ADGRL3: variants seen among roughly 807,000 people sequenced by gnomAD.
The protein encoded by ADGRL3 is adhesion G protein-coupled receptor L3.
A neutral mutation model predicts 153.5 loss-of-function variants in ADGRL3; 62 were observed. The observed-to-expected ratio is 0.40, with a 90% CI of 0.33 to 0.50. The LOEUF (loss-of-function observed/expected upper bound fraction) is 0.50, where lower values mean the gene tolerates loss of function less well. Among genes scored for constraint, ADGRL3 ranks in the 20% least tolerant of loss-of-function variants. The probability of loss-of-function intolerance (pLI) is 0.47; values close to 1 mark genes in which losing one functional copy is unlikely to be tolerated. For missense variants in ADGRL3, 1,641 were observed against 1,859.4 expected (o/e 0.88, Z 2.16); for synonymous variants, 710 against 672.5 (o/e 1.06, Z -0.86).
intron 24 of ADGRL3, among the ~76,000 whole-genome samples, chr4:62,042,618 A>C (rs1728985657): frequency 6.6e-6 from 1 of 151,956 alleles, no homozygotes; most frequent in African/African-American, 2.4e-5. Flanking sequence ...CAGCTCATAT[A>C]AATATCACCT....
At chr4:61,400,546 G>A (rs1236039116) in intron 2 of ADGRL3, among the ~76,000 whole-genome samples, 1 of 151,854 alleles carries the variant, frequency 6.6e-6, no homozygotes, top group East Asian at 1.9e-4. Flanking sequence ...CTGGCAATGT[G>A]AGGCTATAGT....
At chr4:61,610,017 A>G (rs1044710851) in intron 5 of ADGRL3, among the ~76,000 whole-genome samples, 2 of 151,984 alleles carry the variant, frequency 1.3e-5, no homozygotes, top group South Asian at 4.1e-4. Flanking sequence ...GTTAGTAATT[A>G]TATCAAGATT....
chr4:61,739,788 G>T (rs936281177), intron 8 of ADGRL3, among the ~76,000 whole-genome samples: 2 of 152,118 alleles, frequency 1.3e-5, no homozygotes, highest in Non-Finnish European at 2.9e-5. Context: ...AATCTAAGGG[G>T]CAGTTTAGCG....
chr4:61,535,104 A>AT lies in ADGRL3; in HGVS notation c.259+17595dup, dbSNP rs61288917. 3.4e-3 allele frequency among the ~76,000 whole-genome samples: 511 copies of AT among 151,660 alleles called. 7 individuals are homozygous for AT. The highest frequency in any genetic ancestry group is 0.03 in the South Asian group (146 of 4,810). On this transcript the variant is annotated intron_variant, in intron 4 of 26. Transcript: ENST00000683033. ...TATATGGCTCATATTATATTGAGGT[A>AT]TTTTTTTTTATGCCTAGTTTGTTGA...
chr4:61,682,200 T>C (rs1282517876), intron 6 of ADGRL3, among the ~76,000 whole-genome samples: 1 of 152,092 alleles, frequency 6.6e-6, no homozygotes, highest in Non-Finnish European at 1.5e-5. Flanking sequence ...ATTATTATTA[T>C]GTATGCCTTT....
chr4:61,575,315 A>G (rs1024986604), intron 4 of ADGRL3, among the ~76,000 whole-genome samples: 4 of 152,030 alleles, frequency 2.6e-5, no homozygotes, highest in African/African-American at 9.6e-5. Flanking sequence ...CAGATGCTTT[A>G]TGAGATTTTA....
intron 2 of ADGRL3, among the ~76,000 whole-genome samples, chr4:61,444,920 G>GT (rs1242571251): frequency 1.3e-5 from 2 of 152,024 alleles, no homozygotes; most frequent in Non-Finnish European, 2.9e-5. Flanking sequence ...AGGTGTAGTG[G>GT]TGTACGCCTG....
intron 5 of ADGRL3, among the ~76,000 whole-genome samples, chr4:61,644,774 G>A (rs915710851): frequency 1.3e-5 from 2 of 152,148 alleles, no homozygotes; most frequent in African/African-American, 4.8e-5. Flanking sequence ...GATTTGGGGT[G>A]GAGAGTTCTG....
At chr4:61,581,456 G>A (rs1019990720) in intron 4 of ADGRL3, among the ~76,000 whole-genome samples, 2 of 151,856 alleles carry the variant, frequency 1.3e-5, no homozygotes, top group African/African-American at 2.4e-5. Flanking sequence ...GCCCTCCACG[G>A]GACAATTCCC....
chr4:61,869,720 CCT>C (rs2098425294), intron 9 of ADGRL3, among the ~76,000 whole-genome samples: 1 of 151,358 alleles, frequency 6.6e-6, no homozygotes, highest in South Asian at 2.1e-4. Flanking sequence ...GGGCGGATCA[CCT>C]GAGGTCGGGA....
intron 8 of ADGRL3, among the ~76,000 whole-genome samples, chr4:61,772,735 A>G (rs2097101158): frequency 6.6e-6 from 1 of 152,112 alleles, no homozygotes; most frequent in Admixed American, 6.6e-5. Flanking sequence ...GGCAGCTCTC[A>G]TTTGAGTTTC....
intron 13 of ADGRL3, among the ~76,000 whole-genome samples, chr4:61,928,657 T>C (rs1416797871): frequency 6.6e-6 from 1 of 152,192 alleles, no homozygotes; most frequent in Non-Finnish European, 1.5e-5. Flanking sequence ...ATTCATAGTG[T>C]CCTGTATGCA....
intron 1 of ADGRL3, among the ~76,000 whole-genome samples, chr4:61,245,166 A>T (rs1050672071): frequency 6.6e-6 from 1 of 151,994 alleles, no homozygotes; most frequent in South Asian, 2.1e-4. Flanking sequence ...CCATTGCCAG[A>T]CTGTCAAGGA....
rs1000082269 is a variant in ADGRL3 at position 61,480,320 on chromosome 4, A to G, written c.-173-16801A>G. Reference sequence around the variant, plus strand: ...TGTCTGGCTTATTTTACTTAGCACAATGCCATCCAGGTTCATTCATATTGT... The same window carrying G: ...TGTCTGGCTTATTTTACTTAGCACAGTGCCATCCAGGTTCATTCATATTGT... On this transcript the variant is annotated intron_variant, in intron 2 of 26. Coordinates refer to ENST00000683033, the MANE Select transcript of ADGRL3 (RefSeq NM_001387552.1). 7.9e-5 allele frequency among the ~76,000 whole-genome samples: 12 copies of G among 152,160 alleles called. No homozygotes were observed. The South Asian group carries it at 1.9e-3, about 24-fold the overall frequency.
At chr4:61,551,361 C>T (rs1459614493) in intron 4 of ADGRL3, among the ~76,000 whole-genome samples, 1 of 152,012 alleles carries the variant, frequency 6.6e-6, no homozygotes, top group Non-Finnish European at 1.5e-5. Context: ...ATCATTTCAG[C>T]TAGAGTTAAA....
In ADGRL3 at chr4:61,992,381, C is replaced by T. The variant is rs576226484; in HGVS notation, c.3237-3910C>T. On this transcript the variant is annotated intron_variant, in intron 19 of 26. Transcript: ENST00000683033. ...GCATGTATGTATACACCCCACATAACGTTCTTCTCCACCTTAAAGGCTGAA... is the reference window on the plus strand; with the variant it reads ...GCATGTATGTATACACCCCACATAATGTTCTTCTCCACCTTAAAGGCTGAA... Among the ~76,000 whole-genome samples the T allele has an allele frequency of 1.4e-4, 22 of 152,310 alleles. No individual in the cohort carries two copies. The South Asian group carries it at 2.5e-3, about 17-fold the overall frequency.
chr4:62,046,748 T>C (rs1201071013), intron 25 of ADGRL3, among the ~76,000 whole-genome samples: 1 of 152,008 alleles, frequency 6.6e-6, no homozygotes, highest in East Asian at 1.9e-4. Flanking sequence ...TTATTTGTGC[T>C]AGAAGTCATA....
chr4:61,841,551 G>C (rs1437797932), intron 9 of ADGRL3, among the ~76,000 whole-genome samples: 1 of 152,122 alleles, frequency 6.6e-6, no homozygotes, highest in Non-Finnish European at 1.5e-5. Context: ...AGGGGTTAAA[G>C]AAGGCAAAAA....
chr4:61,959,184 T>C (rs1203567134), intron 17 of ADGRL3, among the ~76,000 whole-genome samples: 1 of 152,248 alleles, frequency 6.6e-6, no homozygotes, highest in Non-Finnish European at 1.5e-5. Context: ...TGTAACCCCC[T>C]TTGTGGAGGG....
Sources: allele counts gnomAD v4.1 joint callset (sites outside exome capture counted in the v4.1 genomes callset), GRCh38; gene constraint gnomAD v4.1.1; transcripts MANE v1.5; gene names NCBI Gene and HGNC (gene_info 2026-07-23, HGNC 2026-07-21).